EIF2B3: variants seen among roughly 807,000 people sequenced by gnomAD.
The protein encoded by EIF2B3 is eukaryotic translation initiation factor 2B subunit gamma, also known as translation initiation factor eIF2B subunit gamma.
In EIF2B3, 20 loss-of-function variants were observed where a neutral mutation model predicts 54.1. The observed-to-expected ratio is 0.37, with a 90% CI of 0.26 to 0.54. The LOEUF (loss-of-function observed/expected upper bound fraction) is 0.54, where lower values mean the gene tolerates loss of function less well. Ranked by LOEUF, EIF2B3 falls within the 20% of genes least tolerant of loss-of-function variation. The probability of loss-of-function intolerance (pLI) is 0.86; values close to 1 mark genes in which losing one functional copy is unlikely to be tolerated. For missense variants in EIF2B3, 448 were observed against 547.8 expected (o/e 0.82, Z 1.82); for synonymous variants, 153 against 188.1 (o/e 0.81, Z 1.52).
chr1:44,882,874 T>C (rs936120327), intron 6 of EIF2B3, among the ~76,000 whole-genome samples: 1 of 151,288 alleles, frequency 6.6e-6, no homozygotes, highest in African/African-American at 2.4e-5. Context: ...TGCAGCCTCT[T>C]AAAGTGCTGG....
At chr1:44,888,653 G>A (rs1166805293) in intron 6 of EIF2B3, among the ~76,000 whole-genome samples, 1 of 152,214 alleles carries the variant, frequency 6.6e-6, no homozygotes, top group Non-Finnish European at 1.5e-5. Context: ...CTGTCATAAA[G>A]AAGGGTACCT....
At chr1:44,897,576 CT>C in intron 5 of EIF2B3, 132 bp from the exon 6 acceptor site, 1 of 738,422 alleles carries the variant, frequency 1.4e-6, no homozygotes, top group Non-Finnish European at 2.3e-6. Context: ...ACATCTCTTT[CT>C]GGGGAGACCA....
rs1644475202 is a variant in EIF2B3 at position 44,978,418 on chromosome 1, C to T, written c.191G>A (p.Cys64Tyr). 1 of 1,613,760 alleles carries T rather than the reference C, an allele frequency of 6.2e-7. No individual in the cohort carries two copies. Among genetic ancestry groups the T allele is most frequent in the Non-Finnish European group, 8.5e-7 (1 of 1,179,980 alleles). ...VTTRDVQKAL[C>Y]AEFKMKMKPD... is the part of the protein sequence containing the mutation. ...CTTCATTTTCATCTTGAATTCTGCACATAGAGCCTTTTGAACATCCCTGGT... is the reference window on the plus strand; with the variant it reads ...CTTCATTTTCATCTTGAATTCTGCATATAGAGCCTTTTGAACATCCCTGGT... The change falls in exon 3 of 12, where the codon TGT (cysteine) becomes TAT (tyrosine). Residue 64 changes from cysteine (C) to tyrosine (Y), a missense_variant. By Grantham distance (194) the Cys-to-Tyr change is radical (BLOSUM62 -2). This residue lies in a region of EIF2B3 where 95 missense variants were observed against 115.7 expected (regional missense o/e 0.82). Transcript: ENST00000360403.
chr1:44,874,103 T>C (rs1220020193), intron 10 of EIF2B3, among the ~76,000 whole-genome samples: 1 of 152,220 alleles, frequency 6.6e-6, no homozygotes, highest in Non-Finnish European at 1.5e-5. Context: ...GTTTCGGATT[T>C]TGGAGCATTT....
intron 6 of EIF2B3, among the ~76,000 whole-genome samples, chr1:44,889,348 G>T (rs174636): frequency 6.6e-6 from 1 of 151,836 alleles, no homozygotes; most frequent in African/African-American, 2.4e-5. Context: ...CCAGCCTGGT[G>T]AACATGGTGA....
At chr1:44,983,589 G>C (rs887417832) in intron 1 of EIF2B3, among the ~76,000 whole-genome samples, 3 of 152,168 alleles carry the variant, frequency 2.0e-5, no homozygotes, top group African/African-American at 7.2e-5. Flanking sequence ...GTCAAAAGAT[G>C]AGCTGGACGT....
At chr1:44,914,857 T>C (rs1643590625) in intron 5 of EIF2B3, among the ~76,000 whole-genome samples, 1 of 152,086 alleles carries the variant, frequency 6.6e-6, no homozygotes, top group South Asian at 2.1e-4. Context: ...CCCAGCTAAT[T>C]TTTTGTATTT....
chr1:44,915,285 G>C (rs1643599391), intron 5 of EIF2B3, among the ~76,000 whole-genome samples: 1 of 150,848 alleles, frequency 6.6e-6, no homozygotes, highest in Admixed American at 6.6e-5. Flanking sequence ...GGGTGACAGA[G>C]TGAGACCCTG....
At chr1:44,972,186 G>A (rs1190585136) in intron 3 of EIF2B3, among the ~76,000 whole-genome samples, 4 of 148,638 alleles carry the variant, frequency 2.7e-5, no homozygotes, top group African/African-American at 7.5e-5. Context: ...CCAGGAGTTC[G>A]AGACCAGCCT....
chr1:44,960,421 T>G (rs561306634), intron 3 of EIF2B3, among the ~76,000 whole-genome samples: 6 of 152,128 alleles, frequency 3.9e-5, no homozygotes, highest in African/African-American at 1.4e-4. Context: ...AGGCGGATCA[T>G]GAGGTCAGGA....
chr1:44,973,676 C>T (rs933645961), intron 3 of EIF2B3, among the ~76,000 whole-genome samples: 8 of 151,944 alleles, frequency 5.3e-5, no homozygotes, highest in Non-Finnish European at 1.2e-4. Flanking sequence ...TGCACCCCAG[C>T]CAGGGTGATA....
intron 3 of EIF2B3, among the ~76,000 whole-genome samples, chr1:44,966,491 C>A (rs1644342803): frequency 1.3e-5 from 2 of 150,244 alleles, no homozygotes; most frequent in Admixed American, 1.3e-4. Flanking sequence ...ATAGAAATTG[C>A]CAGGAGTAGA....
At chr1:44,983,797 C>T (rs1644539870) in intron 1 of EIF2B3, among the ~76,000 whole-genome samples, 1 of 152,046 alleles carries the variant, frequency 6.6e-6, no homozygotes, top group Non-Finnish European at 1.5e-5. Flanking sequence ...ACCTCTGCCT[C>T]CCAGGTTCAA....
At position 44,926,962 on chromosome 1, in the gene EIF2B3, C is replaced by G. The variant is rs369221992; in HGVS notation, c.455-223G>C. Among the ~76,000 whole-genome samples the G allele has an allele frequency of 2.6e-5, 4 of 150,982 alleles. No homozygotes were observed. In the East Asian group the frequency reaches 7.7e-4, roughly 29 times the overall value. On this transcript the variant is annotated intron_variant, in intron 4 of 11. Transcript: ENST00000360403. ...CCAGCCTGGCCAACATGGCGAAAGA[C>G]TGTCTCTACTAAAAATACAAAAATT...
At chr1:44,918,072 CT>C (rs3074632) in intron 5 of EIF2B3, among the ~76,000 whole-genome samples, 545 of 88,626 alleles carry the variant, frequency 6.1e-3, no homozygotes, top group African/African-American at 0.022. Flanking sequence ...TGTGCCCAGC[CT>C]TTTTTTTTTT....
At chr1:44,878,367 A>G (rs1655266262) in intron 8 of EIF2B3, among the ~76,000 whole-genome samples, 1 of 152,076 alleles carries the variant, frequency 6.6e-6, no homozygotes, top group Non-Finnish European at 1.5e-5. Flanking sequence ...GGTTCAAGCA[A>G]TTCTCCTGCC....
At chr1:44,917,894 A>C (rs1186703488) in intron 5 of EIF2B3, among the ~76,000 whole-genome samples, 10 of 143,802 alleles carry the variant, frequency 7.0e-5, no homozygotes, top group African/African-American at 1.5e-4. Context: ...CTGCCTCAGC[A>C]TCCTGAGTAG....
chr1:44,985,483 G>T (rs1209068281), intron 1 of EIF2B3, among the ~76,000 whole-genome samples: 4 of 152,228 alleles, frequency 2.6e-5, no homozygotes, highest in African/African-American at 9.6e-5. Context: ...ACATAAGAGT[G>T]TAAGAGTGAC....
intron 8 of EIF2B3, 72 bp downstream of exon 8, chr1:44,879,746 T>G: frequency 6.5e-7 from 1 of 1,534,122 alleles, no homozygotes; most frequent in South Asian, 1.1e-5. Context: ...ATGTACCTAA[T>G]GAAGAAACAG....
Sources: gnomAD v4.1 joint callset for allele counts (sites outside exome capture counted in the v4.1 genomes callset) on GRCh38, gnomAD v4.1.1 for gene constraint, gnomAD v4.1.1 regional missense constraint, MANE v1.5 for transcripts, NCBI Gene and HGNC (gene_info 2026-07-23, HGNC 2026-07-21) for gene names.